ITGA4: variants seen among roughly 807,000 people sequenced by gnomAD.
ITGA4 encodes the protein integrin subunit alpha 4, also known as integrin alpha-4.
ITGA4 carries 63 observed loss-of-function variants against 133.6 expected under a neutral mutation model. The observed-to-expected ratio is 0.47, with a 90% CI of 0.38 to 0.58. The LOEUF is 0.58. Ranked by LOEUF, ITGA4 falls within the 20% of genes least tolerant of loss-of-function variation. The pLI is 0.00. For missense variants in ITGA4, 1,076 were observed against 1,252.7 expected, an observed-to-expected ratio of 0.86 and a Z score of 2.13; for synonymous variants, 483 against 438.0, an observed-to-expected ratio of 1.10 and a Z score of -1.28.
chr2:181,475,023 G>A lies in ITGA4; in HGVS notation c.383G>A (p.Gly128Glu). 6.2e-7 allele frequency: 1 copy of A among 1,614,064 alleles called. No homozygotes were observed. Among genetic ancestry groups the A allele is most frequent in the Non-Finnish European group, 8.5e-7 (1 of 1,179,974 alleles). ...CLEERDNQWLGVTLSRQPGEN... is the reference protein window; with the variant it reads ...CLEERDNQWLEVTLSRQPGEN... ...GAAGAGAGAGACAATCAGTGGTTGG[G>A]GGTCACACTTTCCAGACAGCCAGGA... Residue 128 changes from glycine (G) to glutamate (E), a missense_variant, in exon 3 of 28, where the codon GGG becomes GAG. Physicochemically the swap from Gly to Glu is moderately conservative, Grantham distance 98. Around this residue, in one of 4 missense-constraint regions of ITGA4, gnomAD observed 436 missense variants for 590.7 expected, o/e 0.74. Coordinates refer to ENST00000397033, the MANE Select transcript of ITGA4 (RefSeq NM_000885.6).
chr2:181,508,030 A>T (rs1055875947), intron 15 of ITGA4, among the ~76,000 whole-genome samples: 1 of 152,062 alleles, frequency 6.6e-6, no homozygotes, highest in Admixed American at 6.6e-5. Context: ...AATTTTTTTA[A>T]TGAGGATAGC....
intron 4 of ITGA4, among the ~76,000 whole-genome samples, chr2:181,476,424 G>C (rs1229846079): frequency 6.6e-6 from 1 of 151,990 alleles, no homozygotes. Flanking sequence ...GACCAGAAAT[G>C]GTCATTATAA....
intron 10 of ITGA4, among the ~76,000 whole-genome samples, chr2:181,486,912 C>T (rs1382626093): frequency 6.6e-6 from 1 of 152,052 alleles, no homozygotes; most frequent in East Asian, 1.9e-4. Context: ...GATTAAAGTG[C>T]TGGGGTACTA....
chr2:181,534,370 T>C lies in ITGA4; in HGVS notation c.2883T>C (p.His961=), dbSNP rs7562325. ...IELNKDENVA[H]VLLEGLHHQR... ...TAAACAAGGATGAGAATGTTGCGCA[T>C]GTAAGATTACCCTCTTAACTGCTAC... is the stretch of plus-strand genomic sequence containing the variant. Residue 961 remains histidine (H), a splice_region_variant and synonymous_variant, in exon 26 of 28, where the codon CAT becomes CAC. Coordinates refer to ENST00000397033, the MANE Select transcript of ITGA4 (RefSeq NM_000885.6). The C allele has an allele frequency of 0.59, 895,938 of 1,522,244 alleles. 268,253 individuals carry two copies. The highest frequency in any genetic ancestry group is 0.84 in the South Asian group (74,319 of 88,810). 94.3% of individuals were successfully genotyped at this position (1,522,244 alleles called of 1,614,324 possible).
At chr2:181,507,171 C>A (rs1686410545) in intron 15 of ITGA4, among the ~76,000 whole-genome samples, 1 of 152,106 alleles carries the variant, frequency 6.6e-6, no homozygotes, top group South Asian at 2.1e-4. Flanking sequence ...AGCAACAATT[C>A]TAATACCAAG....
chr2:181,490,557 C>T (rs1275310966), intron 10 of ITGA4, among the ~76,000 whole-genome samples: 1 of 149,432 alleles, frequency 6.7e-6, no homozygotes. Flanking sequence ...CTCTTTGACA[C>T]AGAACAGGAA....
At chr2:181,490,977 G>A (rs1361106377) in intron 10 of ITGA4, among the ~76,000 whole-genome samples, 2 of 152,070 alleles carry the variant, frequency 1.3e-5, no homozygotes, top group African/African-American at 2.4e-5. Context: ...GCATAGGCTT[G>A]GAAAACATTT....
Position 181,519,541 on chromosome 2 carries a change from TG to T in ITGA4, c.1923-2644del, listed in dbSNP as rs143661226. Among the ~76,000 whole-genome samples, 34 of 152,200 alleles carry T rather than the reference TG, an allele frequency of 2.2e-4. 1 individual carries two copies. The East Asian group carries it at 5.4e-3, about 24-fold the overall frequency. ...AGAAGTTACATTAGAGTTATAAAAG[TG>T]GGGGGAAATATCCAAAATTATTTTA... On this transcript the variant is annotated intron_variant, in intron 17 of 27. Transcript: ENST00000397033.
At chr2:181,509,170 A>C (rs1333505099) in intron 15 of ITGA4, among the ~76,000 whole-genome samples, 1 of 97,544 alleles carries the variant, frequency 1.0e-5, no homozygotes, top group East Asian at 3.2e-4. Flanking sequence ...AAAAAAAAAA[A>C]AAAAAAAAAA....
intron 17 of ITGA4, 129 bp from the exon 18 acceptor site, chr2:181,522,062 G>C (rs1041986184): frequency 4.1e-6 from 2 of 488,654 alleles, no homozygotes; most frequent in Non-Finnish European, 7.0e-6. Flanking sequence ...TCAATCCCAT[G>C]ATTGTTTTTC....
At chr2:181,490,011 G>T (rs1259055837) in intron 10 of ITGA4, among the ~76,000 whole-genome samples, 1 of 152,130 alleles carries the variant, frequency 6.6e-6, no homozygotes, top group Non-Finnish European at 1.5e-5. Context: ...ACGTGAGAGG[G>T]TCGTGATTGA....
intron 25 of ITGA4, among the ~76,000 whole-genome samples, chr2:181,533,106 G>A (rs1038475807): frequency 3.9e-5 from 6 of 152,086 alleles, no homozygotes; most frequent in Admixed American, 3.9e-4. Flanking sequence ...CTACAAAGGA[G>A]CATGTATATT....
intron 22 of ITGA4, among the ~76,000 whole-genome samples, chr2:181,529,191 C>T (rs1428944166): frequency 6.6e-6 from 1 of 152,124 alleles, no homozygotes; most frequent in Non-Finnish European, 1.5e-5. Flanking sequence ...TGTTGGCCTA[C>T]CTCATGAGAA....
At chr2:181,526,821 C>CTTTGTTTTTTTTTTTT (rs1686838817) in intron 21 of ITGA4, among the ~76,000 whole-genome samples, 1 of 40,994 alleles carries the variant, frequency 2.4e-5, no homozygotes, top group Non-Finnish European at 5.5e-5. Flanking sequence ...AGCACATGGC[C>CTTTGTTTTTTTTTTTT]TTTTTTTTTT....
intron 25 of ITGA4, among the ~76,000 whole-genome samples, chr2:181,532,834 A>G (rs994138831): frequency 2.0e-5 from 3 of 152,176 alleles, no homozygotes; most frequent in East Asian, 1.9e-4. Flanking sequence ...TTCAAAGGGA[A>G]TGCTTCCAGT....
intron 17 of ITGA4, among the ~76,000 whole-genome samples, chr2:181,513,556 T>C (rs1415124422): frequency 6.6e-6 from 1 of 152,132 alleles, no homozygotes; most frequent in Non-Finnish European, 1.5e-5. Flanking sequence ...CCTAGGTCAC[T>C]AAGTTCTCCT....
chr2:181,473,276 A>G (rs542796176), intron 2 of ITGA4, among the ~76,000 whole-genome samples: 1 of 152,296 alleles, frequency 6.6e-6, no homozygotes, highest in South Asian at 2.1e-4. Flanking sequence ...GTGGCATTAG[A>G]TTCTCGTAGG....
intron 2 of ITGA4, among the ~76,000 whole-genome samples, chr2:181,467,451 C>T (rs887753169): frequency 6.6e-6 from 1 of 152,074 alleles, no homozygotes; most frequent in Non-Finnish European, 1.5e-5. Context: ...CCCAAGCTCT[C>T]CTAGCCAAAA....
At chr2:181,504,036 G>A (rs556219460) in intron 15 of ITGA4, among the ~76,000 whole-genome samples, 2 of 152,128 alleles carry the variant, frequency 1.3e-5, no homozygotes, top group East Asian at 3.9e-4. Context: ...ATGGATCCCT[G>A]CATCAAAATA....
Sources: gnomAD v4.1 joint callset for allele counts (sites outside exome capture counted in the v4.1 genomes callset) on GRCh38, gnomAD v4.1.1 for gene constraint, gnomAD v4.1.1 regional missense constraint, MANE v1.5 for transcripts, NCBI Gene and HGNC (gene_info 2026-07-23, HGNC 2026-07-21) for gene names.